The following GNAL variants were observed in gnomAD, a reference collection of about 807,000 sequenced individuals.
GNAL encodes the protein guanine nucleotide-binding protein G(olf) subunit alpha.
A neutral mutation model predicts 55.1 loss-of-function variants in GNAL; 18 were observed. That is an observed-to-expected ratio of 0.33 (90% CI 0.23 to 0.48). The LOEUF (loss-of-function observed/expected upper bound fraction) is 0.48. Ranked by LOEUF, GNAL falls within the 20% of genes least tolerant of loss-of-function variation. The probability of loss-of-function intolerance (pLI) is 0.99; values close to 1 mark genes in which losing one functional copy is unlikely to be tolerated. For missense variants in GNAL, 412 were observed against 614.1 expected, an observed-to-expected ratio of 0.67 and a Z score of 3.48; for synonymous variants, 253 against 237.0, an observed-to-expected ratio of 1.07 and a Z score of -0.62.
chr18:11,847,996 A>G (rs925254078), intron 5 of GNAL, among the ~76,000 whole-genome samples: 3 of 152,204 alleles, frequency 2.0e-5, no homozygotes, highest in Admixed American at 2.0e-4. Context: ...TCCAACTCGA[A>G]TGACAAGGTA....
intron 5 of GNAL, among the ~76,000 whole-genome samples, chr18:11,839,323 C>T (rs990831576): frequency 6.6e-5 from 10 of 151,650 alleles, no homozygotes; most frequent in Admixed American, 4.6e-4. Flanking sequence ...GCAGGAGGAT[C>T]ACTTGAGCCT....
At chr18:11,768,676 C>T (rs1195524622) in intron 4 of GNAL, among the ~76,000 whole-genome samples, 6 of 150,224 alleles carry the variant, frequency 4.0e-5, no homozygotes, top group Admixed American at 1.3e-4. Flanking sequence ...GGGCGGATCA[C>T]GAGGTCAGGA....
At chr18:11,711,290 G>C (rs773144587) in intron 1 of GNAL, among the ~76,000 whole-genome samples, 38 of 152,082 alleles carry the variant, frequency 2.5e-4, no homozygotes, top group Non-Finnish European at 4.4e-4. Context: ...CTTTTAATAA[G>C]CTTTCTTCCT....
intron 4 of GNAL, among the ~76,000 whole-genome samples, chr18:11,790,419 T>C (rs550157076): frequency 5.0e-4 from 76 of 152,204 alleles, no homozygotes; most frequent in African/African-American, 1.7e-3. Flanking sequence ...GGGGATGTGT[T>C]GTTTACAATA....
chr18:11,780,409 T>G (rs1273221700), intron 4 of GNAL, among the ~76,000 whole-genome samples: 3 of 152,210 alleles, frequency 2.0e-5, no homozygotes, highest in Non-Finnish European at 1.5e-5. Flanking sequence ...GGTCAAATGT[T>G]AAGACATGCC....
chr18:11,862,259 A>G, intron 5 of GNAL, 136 bp from the exon 6 acceptor site: 1 of 603,236 alleles, frequency 1.7e-6, no homozygotes. Flanking sequence ...TTCAGGAAAC[A>G]AAGTAAGAAC....
chr18:11,758,208 A>C (rs2033125014), intron 4 of GNAL, among the ~76,000 whole-genome samples: 1 of 152,198 alleles, frequency 6.6e-6, no homozygotes. Flanking sequence ...AAGGCAGAGA[A>C]CAGGTGCAGA....
At chr18:11,813,511 C>T (rs1181306541) in intron 4 of GNAL, among the ~76,000 whole-genome samples, 1 of 152,064 alleles carries the variant, frequency 6.6e-6, no homozygotes, top group Non-Finnish European at 1.5e-5. Context: ...TCTTTTTTCC[C>T]TGATAAAAAT....
chr18:11,703,691 G>A (rs921697074), intron 1 of GNAL, among the ~76,000 whole-genome samples: 11 of 151,934 alleles, frequency 7.2e-5, no homozygotes, highest in African/African-American at 1.4e-4. Context: ...ATCCATTTCC[G>A]TTTTTTGCTC....
chr18:11,857,097 A>C (rs1222394662), intron 5 of GNAL: 4 of 151,988 alleles, frequency 2.6e-5, no homozygotes, highest in African/African-American at 9.7e-5. Flanking sequence ...AAAACATACA[A>C]AGAAAAAGAA....
chr18:11,838,987 A>G (rs2035555814), intron 5 of GNAL, among the ~76,000 whole-genome samples: 1 of 152,318 alleles, frequency 6.6e-6, no homozygotes, highest in Admixed American at 6.5e-5. Flanking sequence ...ACATATAAAT[A>G]TGAGATGTTA....
Position 11,824,673 on chromosome 18 carries a change from G to A in GNAL, c.625-245G>A, listed in dbSNP as rs545906701. 3.1e-5 allele frequency among the ~76,000 whole-genome samples: 4 copies of A among 127,926 alleles called. No homozygotes were observed. The South Asian group carries it at 8.8e-4, about 28-fold the overall frequency. The allele number at this position is 127,926 out of a possible 152,430, so 83.9% of individuals were successfully genotyped here. A position where few individuals can be genotyped will look rare whatever the true frequency, so the allele number is the denominator to read the frequency against. On this transcript the variant is annotated intron_variant, in intron 4 of 11. Transcript: ENST00000334049. ...ACTGCACTCCAGCCTGGGTGACAGA[G>A]CGAGACTGTGTCTCAAAAAAAAAAC...
chr18:11,852,163 C>T (rs1005729382), intron 5 of GNAL: 2 of 1,506,758 alleles, frequency 1.3e-6, no homozygotes, highest in Non-Finnish European at 1.8e-6. Flanking sequence ...TTGAAATGCT[C>T]TCTGTGTGTT....
rs79438753 is a variant in GNAL at position 11,733,582 on chromosome 18, A to G, written c.377-19271A>G. ...AAAGCAAATGTGGTACTTATACACT[A>G]TGGAATACTATTCAGCTGTAAAAAG... is the stretch of plus-strand genomic sequence containing the variant. On this transcript the variant is annotated intron_variant, in intron 1 of 11. Coordinates refer to ENST00000334049, the MANE Select transcript of GNAL (RefSeq NM_182978.4). Among the ~76,000 whole-genome samples, 1,040 of 152,362 alleles carry G rather than the reference A, an allele frequency of 6.8e-3. 7 individuals are homozygous for G. The highest frequency in any genetic ancestry group is 0.024 in the African/African-American group (982 of 41,590).
At chr18:11,853,433 G>A (rs1266405930) in intron 5 of GNAL, 1 of 167,084 alleles carries the variant, frequency 6.0e-6, no homozygotes, top group Non-Finnish European at 1.5e-5. Context: ...ACTTGCTTTT[G>A]CCTTGGCAAG....
chr18:11,812,911 TA>T (rs1568038685), intron 4 of GNAL, among the ~76,000 whole-genome samples: 2 of 151,744 alleles, frequency 1.3e-5, no homozygotes, highest in Non-Finnish European at 2.9e-5. Context: ...ACAGCAGATG[TA>T]AAAAATCTAT....
intron 1 of GNAL, among the ~76,000 whole-genome samples, chr18:11,720,847 C>T (rs2032077051): frequency 6.6e-6 from 1 of 152,188 alleles, no homozygotes; most frequent in Non-Finnish European, 1.5e-5. Flanking sequence ...CTTTTGACAG[C>T]ACAGGAAGTA....
intron 6 of GNAL, among the ~76,000 whole-genome samples, 156 bp from the exon 7 acceptor site, chr18:11,864,377 G>A (rs1187933557): frequency 6.6e-6 from 1 of 152,148 alleles, no homozygotes; most frequent in African/African-American, 2.4e-5. Flanking sequence ...ACAGGCGTGA[G>A]TCACCATGCT....
chr18:11,794,667 C>T (rs946239967), intron 4 of GNAL, among the ~76,000 whole-genome samples: 4 of 149,130 alleles, frequency 2.7e-5, no homozygotes, highest in East Asian at 2.0e-4. Context: ...AGTTACACAA[C>T]GCTGTAAATA....
Sources: allele counts gnomAD v4.1 joint callset (sites outside exome capture counted in the v4.1 genomes callset), GRCh38; gene constraint gnomAD v4.1.1; transcripts MANE v1.5; gene names NCBI Gene and HGNC (gene_info 2026-07-23, HGNC 2026-07-21).